PPWD1: variants seen among roughly 807,000 people sequenced by gnomAD.
The protein encoded by PPWD1 is peptidylprolyl isomerase domain and WD repeat-containing protein 1.
In PPWD1, 43 loss-of-function variants were observed where a neutral mutation model predicts 68.8. The observed-to-expected ratio is 0.62, with a 90% CI of 0.49 to 0.81. The LOEUF is 0.81. PPWD1 is among the 30% of genes least tolerant of loss of function. The pLI is 0.00. For missense variants in PPWD1, 672 were observed against 804.8 expected (o/e 0.83, Z 2.00); for synonymous variants, 232 against 258.7 (o/e 0.90, Z 0.99).
chr5:65,573,481 T>A (rs200739537), intron 5 of PPWD1, among the ~76,000 whole-genome samples: 23,604 of 93,208 alleles, frequency 0.25, 4,126 homozygotes, highest in South Asian at 0.4. Context: ...ATATATTTTT[T>A]TTTTATTAGA....
Position 65,569,975 on chromosome 5 carries a change from C to T in PPWD1, c.498C>T (p.Asp166=), listed in dbSNP as rs1417224129. Residue 166 remains aspartate, a synonymous_variant, in exon 4 of 11, where the codon GAC becomes GAT. Coordinates refer to ENST00000261308, the MANE Select transcript of PPWD1 (RefSeq NM_015342.4). ...AMKVFDVVNF[D]MINMLKLGYF... ...AGGTGTTTGATGTAGTGAACTTTGACATGATCAACATGCTGAAACTTGGGT... is the reference window on the plus strand; with the variant it reads ...AGGTGTTTGATGTAGTGAACTTTGATATGATCAACATGCTGAAACTTGGGT... 3 of 1,611,280 alleles carry T rather than the reference C, an allele frequency of 1.9e-6. No individual in the cohort carries two copies. The African/African-American group carries it at 4.0e-5, about 22-fold the overall frequency.
At chr5:65,577,296 T>G (rs766663102) in intron 6 of PPWD1, among the ~76,000 whole-genome samples, 1 of 152,248 alleles carries the variant, frequency 6.6e-6, no homozygotes, top group African/African-American at 2.4e-5. Flanking sequence ...AAAGAAGATA[T>G]GCATAGTTTC....
At chr5:65,582,992 A>G in intron 7 of PPWD1, 46 bp from the exon 8 acceptor site, 1 of 1,455,782 alleles carries the variant, frequency 6.9e-7, no homozygotes. Context: ...TTTTTACCAG[A>G]TGAAAACTTT....
Position 65,571,876 on chromosome 5 carries a change from G to C in PPWD1, c.559G>C (p.Gly187Arg). 1 of 1,613,974 alleles carries C rather than the reference G, an allele frequency of 6.2e-7. No homozygotes were observed. The highest frequency in any genetic ancestry group is 1.1e-5 in the South Asian group (1 of 91,076). Residue 187 changes from glycine (G) to arginine (R), a missense_variant, in exon 5 of 11, where the codon GGG becomes CGG. By Grantham distance (125) the Gly-to-Arg change is moderately radical. Transcript: ENST00000261308. Reference protein sequence around the residue: ...PGQCEWIYCPGDAISSVAASE... With the variant: ...PGQCEWIYCPRDAISSVAASE... ...ACAGTGTGAGTGGATCTATTGCCCA[G>C]GGGATGCAATTTCTTCAGTTGCTGC...
chr5:65,563,620 G>C, intron 1 of PPWD1, 114 bp downstream of exon 1: 2 of 1,406,380 alleles, frequency 1.4e-6, no homozygotes, highest in Non-Finnish European at 9.6e-7. Flanking sequence ...TCAGAACAGA[G>C]GGCCGTCCTC....
Position 65,579,527 on chromosome 5 carries a change from A to G in PPWD1, c.1264A>G (p.Lys422Glu), listed in dbSNP as rs1489638012. The G allele has an allele frequency of 5.6e-6, 9 of 1,611,222 alleles. No homozygotes were observed. Among genetic ancestry groups the G allele is most frequent in the Non-Finnish European group, 7.6e-6 (9 of 1,179,056 alleles). Residue 422 changes from lysine (K) to glutamate (E), a missense_variant, in exon 7 of 11, where the codon AAA (lysine) becomes GAA (glutamate). Physicochemically the swap from Lys to Glu is moderately conservative, Grantham distance 56. Transcript: ENST00000261308. ...TCGTGCTGCAACTACTATAGAAATG[A>G]AAGCTTCTGAAAATCCTGTTCTTCA... ...KHRAATTIEMKASENPVLQNI... is the reference protein window; with the variant it reads ...KHRAATTIEMEASENPVLQNI...
intron 6 of PPWD1, 70 bp downstream of exon 6, chr5:65,577,139 C>G (rs1394170723): frequency 6.6e-7 from 1 of 1,525,172 alleles, no homozygotes; most frequent in Non-Finnish European, 8.8e-7. Flanking sequence ...ATCATGGGAA[C>G]AGTGGGAGTA....
At chr5:65,585,616 G>A (rs889793838) in intron 9 of PPWD1, among the ~76,000 whole-genome samples, 1 of 152,094 alleles carries the variant, frequency 6.6e-6, no homozygotes, top group Admixed American at 6.6e-5. Context: ...AGATCTCAGG[G>A]TCCTAAAGGA....
intron 1 of PPWD1, among the ~76,000 whole-genome samples, chr5:65,566,436 TC>T (rs1752762086): frequency 6.6e-6 from 1 of 152,164 alleles, no homozygotes; most frequent in Non-Finnish European, 1.5e-5. Context: ...TTTCAAGACT[TC>T]CTGTGACAAA....
rs531098877 is a variant in PPWD1, at chr5:65,569,391, G to A, written c.300-241G>A. The A allele has an allele frequency of 9.2e-6, 3 of 327,598 alleles. No individual in the cohort carries two copies. The South Asian group carries it at 1.2e-4, about 14-fold the overall frequency. 20.3% of individuals were successfully genotyped at this position (327,598 alleles called of 1,614,324 possible). A position where few individuals can be genotyped will look rare whatever the true frequency, so the allele number is the denominator to read the frequency against. ...ATTTTTATTTTAATGTCAAATTCTAGTTCAATTCTGATCCTAGCTCTTGAG... is the reference window on the plus strand; with the variant it reads ...ATTTTTATTTTAATGTCAAATTCTAATTCAATTCTGATCCTAGCTCTTGAG... On this transcript the variant is annotated intron_variant, in intron 2 of 10. Transcript: ENST00000261308.
At chr5:65,577,962 T>G (rs1753381332) in intron 6 of PPWD1, among the ~76,000 whole-genome samples, 1 of 152,238 alleles carries the variant, frequency 6.6e-6, no homozygotes, top group South Asian at 2.1e-4. Context: ...TATAATGGCA[T>G]GTATCCACCA....
At chr5:65,580,294 T>A (rs962579365) in intron 7 of PPWD1, among the ~76,000 whole-genome samples, 7 of 152,228 alleles carry the variant, frequency 4.6e-5, no homozygotes, top group Non-Finnish European at 8.8e-5. Context: ...TTCTGCCTAA[T>A]ACCCTTTAAT....
chr5:65,576,446 G>A (rs947491881), intron 5 of PPWD1: 3 of 657,264 alleles, frequency 4.6e-6, no homozygotes, highest in Non-Finnish European at 5.6e-6. Flanking sequence ...GCGCAATTTC[G>A]GCTCACTGCA....
chr5:65,575,358 C>T (rs931100923), intron 5 of PPWD1, among the ~76,000 whole-genome samples: 1 of 152,212 alleles, frequency 6.6e-6, no homozygotes, highest in South Asian at 2.1e-4. Context: ...TAATATGTAT[C>T]AGTCTCCCTG....
At chr5:65,582,128 G>T (rs192498753) in intron 7 of PPWD1, among the ~76,000 whole-genome samples, 2 of 152,128 alleles carry the variant, frequency 1.3e-5, no homozygotes, top group Admixed American at 1.3e-4. Context: ...TATCCAAGCA[G>T]ATCAAGGAAT....
intron 7 of PPWD1, 61 bp from the exon 8 acceptor site, chr5:65,582,977 T>G: frequency 6.9e-7 from 1 of 1,446,552 alleles, no homozygotes; most frequent in Non-Finnish European, 9.2e-7. Context: ...CTATTGTTCA[T>G]AAAATTTTTA....
chr5:65,577,164 A>AAAAGTG, intron 6 of PPWD1, 95 bp downstream of exon 6: 1 of 1,465,836 alleles, frequency 6.8e-7, no homozygotes, highest in East Asian at 2.3e-5. Flanking sequence ...TTGTTCCAAG[A>AAAAGTG]AAAGTGGAAT....
At chr5:65,579,671 T>C (rs536783281) in intron 7 of PPWD1, 58 bp downstream of exon 7, 5 of 1,282,314 alleles carry the variant, frequency 3.9e-6, no homozygotes, top group Non-Finnish European at 5.1e-6. Flanking sequence ...GGTTTGACTT[T>C]TCTTTGTTTG....
intron 10 of PPWD1, 140 bp from the exon 11 acceptor site, chr5:65,587,113 G>T: frequency 1.1e-6 from 1 of 935,916 alleles, no homozygotes; most frequent in South Asian, 3.3e-5. Flanking sequence ...CATTTTTATT[G>T]CTGAGAAATT....
Sources: gnomAD v4.1 joint callset for allele counts (sites outside exome capture counted in the v4.1 genomes callset) on GRCh38, gnomAD v4.1.1 for gene constraint, MANE v1.5 for transcripts, NCBI Gene and HGNC (gene_info 2026-07-23, HGNC 2026-07-21) for gene names.